Variants in ST6GALNAC3 observed in about 807,000 individuals in gnomAD.
ST6GALNAC3 encodes the protein alpha-N-acetylgalactosaminide alpha-2,6-sialyltransferase 3.
In ST6GALNAC3, 25 loss-of-function variants were observed where a neutral mutation model predicts 32.7. That is an observed-to-expected ratio of 0.76 (90% confidence interval 0.56 to 1.07). The LOEUF is 1.07. Ranked by LOEUF, ST6GALNAC3 falls within the 50% of genes least tolerant of loss-of-function variation. ST6GALNAC3 has a pLI of 0.00. For synonymous variants in ST6GALNAC3, 129 were observed against 133.1 expected, an observed-to-expected ratio of 0.97 and a Z score of 0.21; for missense variants, 355 against 382.4, an observed-to-expected ratio of 0.93 and a Z score of 0.60.
At chr1:76,212,697 G>C (rs750812111) in intron 1 of ST6GALNAC3, among the ~76,000 whole-genome samples, 28 of 152,042 alleles carry the variant, frequency 1.8e-4, no homozygotes, top group Non-Finnish European at 3.2e-4. Context: ...GGTTTTTCAG[G>C]CCACTTTGAA....
intron 3 of ST6GALNAC3, among the ~76,000 whole-genome samples, chr1:76,510,223 A>T (rs1267527930): frequency 6.6e-6 from 1 of 152,198 alleles, no homozygotes; most frequent in African/African-American, 2.4e-5. Context: ...AACCCACAGC[A>T]TACTAGGAGC....
intron 3 of ST6GALNAC3, among the ~76,000 whole-genome samples, chr1:76,611,653 A>G (rs563025854): frequency 6.6e-6 from 1 of 152,318 alleles, no homozygotes; most frequent in East Asian, 1.9e-4. Context: ...TATGTTTAAC[A>G]TGCTTATTAA....
At chr1:76,096,740 CCTT>C (rs72110716) in intron 1 of ST6GALNAC3, among the ~76,000 whole-genome samples, 7,612 of 152,062 alleles carry the variant, frequency 0.05, 654 homozygotes, top group African/African-American at 0.18. Flanking sequence ...CAGAAACAGT[CCTT>C]CTCCCCACTT....
chr1:76,205,621 C>T (rs1168570951), intron 1 of ST6GALNAC3, among the ~76,000 whole-genome samples: 2 of 152,174 alleles, frequency 1.3e-5, no homozygotes, highest in Non-Finnish European at 2.9e-5. Flanking sequence ...GAATGAGACC[C>T]TCGCTGCTGT....
At position 76,509,728 on chromosome 1, in the gene ST6GALNAC3, A is replaced by G. The variant is rs907439300; in HGVS notation, c.623+97311A>G. ...TATTTCTTTTTCCAGCAAAAAATGC[A>G]AGACTGCCTACATCCTTGGCTCACG... On this transcript the variant is annotated intron_variant, in intron 3 of 4. Transcript: ENST00000328299. The surrounding 1 kb of genome is among the most constrained non-coding windows in gnomAD (Gnocchi z 5.5). Among the ~76,000 whole-genome samples the G allele has an allele frequency of 5.3e-5, 8 of 152,172 alleles. No individual in the cohort carries two copies. Among genetic ancestry groups the G allele is most frequent in the African/African-American group, 1.7e-4 (7 of 41,452 alleles).
At chr1:76,310,545 G>A (rs1470107906) in intron 1 of ST6GALNAC3, among the ~76,000 whole-genome samples, 9 of 152,052 alleles carry the variant, frequency 5.9e-5, no homozygotes, top group Non-Finnish European at 1.2e-4. Context: ...TTTGGGTATC[G>A]CTGACTCCTG....
At position 76,514,736 on chromosome 1, in the gene ST6GALNAC3, C is replaced by A. The variant is rs192768046; in HGVS notation, c.623+102319C>A. 1.7e-4 allele frequency among the ~76,000 whole-genome samples: 26 copies of A among 152,210 alleles called. No homozygotes were observed. In the East Asian group the frequency reaches 1.9e-3, roughly 11 times the overall value. On this transcript the variant is annotated intron_variant, in intron 3 of 4. Transcript: ENST00000328299. The stretch of plus-strand genomic sequence containing the variant: ...CTTGCAGAACTATGAGCTAAATAAA[C>A]CTTTTTTCTTTATAAATTACCCAGT...
chr1:76,237,197 A>C (rs184724621), intron 1 of ST6GALNAC3, among the ~76,000 whole-genome samples: 2 of 152,314 alleles, frequency 1.3e-5, no homozygotes, highest in East Asian at 1.9e-4. Flanking sequence ...GCAGTGGCAC[A>C]ATCTTTGCTT....
chr1:76,372,591 A>T (rs918617278), intron 2 of ST6GALNAC3, among the ~76,000 whole-genome samples: 5 of 152,094 alleles, frequency 3.3e-5, no homozygotes, highest in Non-Finnish European at 5.9e-5. Context: ...AATGGGAAAA[A>T]CTGGTCATAA....
intron 1 of ST6GALNAC3, among the ~76,000 whole-genome samples, chr1:76,177,190 C>T (rs1027018599): frequency 2.0e-5 from 3 of 151,846 alleles, no homozygotes; most frequent in African/African-American, 7.3e-5. Flanking sequence ...TTTTAAGAGC[C>T]TTTTGGTCTG....
intron 3 of ST6GALNAC3, among the ~76,000 whole-genome samples, chr1:76,613,548 C>G (rs1358411313): frequency 6.6e-6 from 1 of 152,190 alleles, no homozygotes; most frequent in Non-Finnish European, 1.5e-5. Flanking sequence ...TATCCCTGCC[C>G]AAATCTCATG....
intron 3 of ST6GALNAC3, among the ~76,000 whole-genome samples, chr1:76,414,599 A>G (rs1057404865): frequency 2.0e-5 from 3 of 152,110 alleles, no homozygotes; most frequent in Non-Finnish European, 4.4e-5. Flanking sequence ...GGAAAATGTC[A>G]AACTTATAGA....
chr1:76,267,715 T>G (rs1557739466), intron 1 of ST6GALNAC3, among the ~76,000 whole-genome samples: 2 of 152,160 alleles, frequency 1.3e-5, no homozygotes, highest in Non-Finnish European at 2.9e-5. Context: ...AATAGGCAAA[T>G]GAAGGGAATT....
chr1:76,148,049 G>C (rs1044526453), intron 1 of ST6GALNAC3, among the ~76,000 whole-genome samples: 19 of 152,100 alleles, frequency 1.2e-4, no homozygotes, highest in African/African-American at 4.1e-4. Flanking sequence ...GGGTATTCAT[G>C]TTTGCCTCTT....
chr1:76,518,462 CT>C (rs911704089), intron 3 of ST6GALNAC3, among the ~76,000 whole-genome samples: 9 of 151,726 alleles, frequency 5.9e-5, no homozygotes, highest in African/African-American at 2.2e-4. Flanking sequence ...TTTTCTTCTT[CT>C]TTTGTATTAA....
intron 3 of ST6GALNAC3, among the ~76,000 whole-genome samples, chr1:76,621,824 A>T (rs1648669878): frequency 6.6e-6 from 1 of 152,072 alleles, no homozygotes; most frequent in South Asian, 2.1e-4. Flanking sequence ...TCTCCGTAGG[A>T]AGGTATCTGA....
At chr1:76,174,389 A>T (rs960294369) in intron 1 of ST6GALNAC3, among the ~76,000 whole-genome samples, 5 of 151,682 alleles carry the variant, frequency 3.3e-5, no homozygotes, top group Non-Finnish European at 7.4e-5. Context: ...GCACACGTAT[A>T]CCTAGGTAAC....
intron 2 of ST6GALNAC3, among the ~76,000 whole-genome samples, chr1:76,362,420 C>T (rs1650035942): frequency 6.6e-6 from 1 of 152,182 alleles, no homozygotes; most frequent in African/African-American, 2.4e-5. Flanking sequence ...TCCCAAATCT[C>T]ATGTCCTTTT....
At chr1:76,335,634 A>G (rs957649548) in intron 2 of ST6GALNAC3, among the ~76,000 whole-genome samples, 3 of 152,230 alleles carry the variant, frequency 2.0e-5, no homozygotes, top group East Asian at 1.9e-4. Context: ...CTTCATGAAC[A>G]TAATGAAATG....
Sources: allele counts gnomAD v4.1 joint callset (sites outside exome capture counted in the v4.1 genomes callset), GRCh38; gene constraint gnomAD v4.1.1; non-coding constraint Gnocchi (gnomAD v3.1); transcripts MANE v1.5; gene names NCBI Gene and HGNC (gene_info 2026-07-23, HGNC 2026-07-21).